The following AMT variants were observed in gnomAD, a reference collection of about 807,000 sequenced individuals.
The protein encoded by AMT is aminomethyltransferase.
Under a neutral mutation model 39.5 loss-of-function variants are expected in AMT, and 24 were observed. The observed-to-expected ratio is 0.61, with a 90% CI of 0.44 to 0.86. AMT has a LOEUF of 0.86. Ranked by LOEUF, AMT falls within the 40% of genes least tolerant of loss-of-function variation. The pLI, the probability that AMT is intolerant of heterozygous loss-of-function variation, is 0.00. For synonymous variants in AMT, 210 were observed against 212.1 expected (o/e 0.99, Z 0.09); for missense variants, 501 against 537.0 (o/e 0.93, Z 0.66).
intron 3 of AMT, 58 bp downstream of exon 3, chr3:49,421,434 A>G (rs2049100268): frequency 4.9e-6 from 7 of 1,415,494 alleles, no homozygotes; most frequent in Non-Finnish European, 7.0e-6. Flanking sequence ...GTAGGGACTC[A>G]GCCCATTTGC....
At position 49,417,719 on chromosome 3, in the gene AMT, C is replaced by G. The variant is rs1575302765; in HGVS notation, c.1034-1G>C. On this transcript the variant is annotated splice_acceptor_variant, in intron 8 of 8. Transcript: ENST00000273588. LOFTEE classifies it high-confidence loss of function. ...GAGGGGCAGCCACTAGTCACAGTAC[C>G]TGTCAAGCAAGCATAAGCCACGCAT... The G allele has an allele frequency of 1.9e-6, 3 of 1,613,986 alleles. No homozygotes were observed. The highest frequency in any genetic ancestry group is 2.5e-6 in the Non-Finnish European group (3 of 1,180,032).
In AMT at chr3:49,418,965, G is replaced by C. The variant is rs2049049174; in HGVS notation, c.877+6C>G. 1 of 1,613,624 alleles carries C rather than the reference G, an allele frequency of 6.2e-7. No homozygotes were observed. The highest frequency in any genetic ancestry group is 8.5e-7 in the Non-Finnish European group (1 of 1,179,970). On this transcript the variant is annotated splice_donor_region_variant and intron_variant, in intron 7 of 8. Transcript: ENST00000273588. ...GACCCTATCCTTTAGTGCTGGCCCA[G>C]CTCACCCAGTGTCCAACTGAGGCTG...
rs1373505001 is a variant in AMT, at chr3:49,421,455, C to CT, written c.339+36dup. On this transcript the variant is annotated intron_variant, in intron 3 of 8. Transcript: ENST00000273588. Reference sequence around the variant, plus strand: ...ACTCAGCCCATTTGCTGGCTCATGACTAAGAAAACTCATAGAGCAGAAATA... The same window carrying CT: ...ACTCAGCCCATTTGCTGGCTCATGACTTAAGAAAACTCATAGAGCAGAAATA... 5 of 1,578,304 alleles carry CT rather than the reference C, an allele frequency of 3.2e-6. No individual in the cohort carries two copies. The Admixed American group carries it at 8.3e-5, about 26-fold the overall frequency.
In AMT at chr3:49,422,435, T is replaced by C. The variant is rs1332097253; in HGVS notation, c.16A>G (p.Ser6Gly). 1 of 1,611,708 alleles carries C rather than the reference T, an allele frequency of 6.2e-7. No individual in the cohort carries two copies. The highest frequency in any genetic ancestry group is 1.1e-5 in the South Asian group (1 of 91,038). The change falls in exon 1 of 9, where the codon AGT becomes GGT. Residue 6 changes from serine to glycine, a missense_variant. Ser to Gly is a moderately conservative substitution (Grantham distance 56). Coordinates refer to ENST00000273588, the MANE Select transcript of AMT (RefSeq NM_000481.4). MQRAV[S>G]VVARLGFRLQ... ...CGAAAGCCCAGACGGGCCACCACAC[T>C]TACAGCCCTCTGCATCGTCGCCTGC...
In AMT at chr3:49,421,559, C is replaced by T; in HGVS notation, c.272G>A (p.Gly91Asp). The T allele has an allele frequency of 6.2e-7, 1 of 1,614,168 alleles. No individual in the cohort carries two copies. The highest frequency in any genetic ancestry group is 8.5e-7 in the Non-Finnish European group (1 of 1,180,012). Residue 91 changes from glycine to aspartate, a missense_variant, in exon 3 of 9, where the codon GGT becomes GAT. Gly to Asp is a moderately conservative substitution (Grantham distance 94, BLOSUM62 -1). Coordinates refer to ENST00000273588, the MANE Select transcript of AMT (RefSeq NM_000481.4). ...VSHMLQTKIL[G>D]SDRVKLMESL... is the part of the protein sequence containing the mutation. Reference sequence around the variant, plus strand: ...CTCCATCAGCTTCACCCGGTCACTACCAAGTATCTTGGTCTGGGGAAGAGA... The same window carrying T: ...CTCCATCAGCTTCACCCGGTCACTATCAAGTATCTTGGTCTGGGGAAGAGA...
Position 49,419,042 on chromosome 3 carries a change from C to T in AMT, c.806G>A (p.Gly269Asp), listed in dbSNP as rs121964981. The T allele has an allele frequency of 6.2e-7, 1 of 1,614,088 alleles. No homozygotes were observed. Among genetic ancestry groups the T allele is most frequent in the Non-Finnish European group, 8.5e-7 (1 of 1,180,014 alleles). The change falls in exon 7 of 9, where the codon GGC becomes GAC. Residue 269 changes from glycine to aspartate, a missense_variant. By Grantham distance (94) the Gly-to-Asp change is moderately conservative (BLOSUM62 -1). Transcript: ENST00000273588. ...AATGTCATTCCCATACAGGCAGAGG[C>T]CTGCCTCCAGGCGCAGGCTGTCCCT... is the stretch of plus-strand genomic sequence containing the variant. ...AARDSLRLEA[G>D]LCLYGNDIDE...
At chr3:49,421,762 G>C (rs1446051353) in intron 2 of AMT, 190 bp from the exon 3 acceptor site, 23 of 686,152 alleles carry the variant, frequency 3.4e-5, no homozygotes, top group Non-Finnish European at 3.4e-5. Context: ...CACTCTGTGT[G>C]GGGGGACTGC....
At chr3:49,419,850 C>T (rs889296990) in intron 4 of AMT, 62 bp from the exon 5 acceptor site, 30 of 1,475,992 alleles carry the variant, frequency 2.0e-5, no homozygotes, top group South Asian at 1.2e-4. Flanking sequence ...ATGGGCTGGA[C>T]GCTGCAGAGC....
chr3:49,420,651 C>A, intron 3 of AMT: 1 of 398,178 alleles, frequency 2.5e-6, no homozygotes, highest in East Asian at 5.8e-5. Context: ...TGCTGCTTCA[C>A]CTACCCAAAC....
Position 49,419,378 on chromosome 3 carries a change from G to C in AMT, c.578C>G (p.Ala193Gly), listed in dbSNP as rs1420976314. Reference protein sequence around the residue: ...QGPTAAQVLQAGVADDLRKLP... With the variant: ...QGPTAAQVLQGGVADDLRKLP... ...TTTCCTCAGGTCATCTGCCACGCCG[G>C]CCTGTAGTACCTGGGCTGCAGTGGG... The change falls in exon 6 of 9, where the codon GCC becomes GGC. Residue 193 changes from alanine (A) to glycine (G), a missense_variant. Physicochemically the swap from Ala to Gly is moderately conservative, Grantham distance 60. Transcript: ENST00000273588. 3 of 1,613,930 alleles carry C rather than the reference G, an allele frequency of 1.9e-6. No individual in the cohort carries two copies. The highest frequency in any genetic ancestry group is 2.5e-6 in the Non-Finnish European group (3 of 1,179,984).
In AMT at chr3:49,420,279, T is replaced by C. The variant is rs768698117; in HGVS notation, c.403A>G (p.Thr135Ala). ...ACCACATACAGGTGGCCCTCAGAAG[T>C]ATTGGTTACAATCAAGTCATCTAAG... ...GILDDLIVTN[T>A]SEGHLYVVSN... The change falls in exon 4 of 9, where the codon ACT (threonine) becomes GCT (alanine). Residue 135 changes from threonine (T) to alanine (A), a missense_variant. Thr to Ala is a moderately conservative substitution (Grantham distance 58). Coordinates refer to ENST00000273588, the MANE Select transcript of AMT (RefSeq NM_000481.4). 111 of 1,614,034 alleles carry C rather than the reference T, an allele frequency of 6.9e-5. No homozygotes were observed. Among genetic ancestry groups the C allele is most frequent in the Non-Finnish European group, 9.3e-5 (110 of 1,180,024 alleles).
In AMT at chr3:49,417,294, T is replaced by C; in HGVS notation, c.*246A>G. On this transcript the variant is annotated 3_prime_UTR_variant, in exon 9 of 9. Coordinates refer to ENST00000273588, the MANE Select transcript of AMT (RefSeq NM_000481.4). ...TTACCCTCCAGCAGGCAAGAGTAGG[T>C]CAGTGGGATCATGGACTGAAACAAG... 6.3e-7 allele frequency: 1 copy of C among 1,598,278 alleles called. No homozygotes were observed. The highest frequency in any genetic ancestry group is 8.5e-7 in the Non-Finnish European group (1 of 1,178,938).
rs768059828 is a variant in AMT, at chr3:49,417,537, G to A, written c.*3C>T. 6.8e-6 allele frequency: 11 copies of A among 1,614,078 alleles called. No homozygotes were observed. The highest frequency in any genetic ancestry group is 1.7e-5 in the Admixed American group (1 of 60,004). On this transcript the variant is annotated 3_prime_UTR_variant, in exon 9 of 9. Coordinates refer to ENST00000273588, the MANE Select transcript of AMT (RefSeq NM_000481.4). ...GAAGGGACAGCCCCACCCTGAGCCA[G>A]CTTCACTTGAGGGTATAGTAGTTTG... is the stretch of plus-strand genomic sequence containing the variant.
chr3:49,418,819 C>A (rs1249018476), intron 7 of AMT, 152 bp downstream of exon 7: 2 of 842,690 alleles, frequency 2.4e-6, no homozygotes. Context: ...TCTGCAGTTT[C>A]TAATGGGCAA....
Position 49,420,266 on chromosome 3 carries a change from T to C in AMT, c.416A>G (p.His139Arg), listed in dbSNP as rs1261907128. 8 of 1,614,044 alleles carry C rather than the reference T, an allele frequency of 5.0e-6. No individual in the cohort carries two copies. In the Admixed American group the frequency reaches 1.3e-4, roughly 27 times the overall value. Residue 139 changes from histidine to arginine, a missense_variant, in exon 4 of 9, where the codon CAC (histidine) becomes CGC (arginine). Transcript: ENST00000273588. ...GCCAGCGTTGGACACCACATACAGG[T>C]GGCCCTCAGAAGTATTGGTTACAAT... ...DLIVTNTSEG[H>R]LYVVSNAGCW...
Position 49,422,398 on chromosome 3 carries a change from A to G in AMT, c.53T>C (p.Phe18Ser). The G allele has an allele frequency of 6.3e-7, 1 of 1,598,506 alleles. No homozygotes were observed. The highest frequency in any genetic ancestry group is 8.5e-7 in the Non-Finnish European group (1 of 1,174,488). Reference sequence around the variant, plus strand: ...AAGTGGACGACACAAGGCCGGGGGGAATGCCTGCAGGCGAAAGCCCAGACG... The same window carrying G: ...AAGTGGACGACACAAGGCCGGGGGGGATGCCTGCAGGCGAAAGCCCAGACG... ...VARLGFRLQA[F>S]PPALCRPLSC... The change falls in exon 1 of 9, where the codon TTC becomes TCC. Residue 18 changes from phenylalanine to serine, a missense_variant. Phe to Ser is a radical substitution (Grantham distance 155, BLOSUM62 -2). Transcript: ENST00000273588.
chr3:49,417,802 T>C lies in AMT; in HGVS notation c.1033+16A>G. Reference sequence around the variant, plus strand: ...GGGAAGAGACAAGGGTTTCCCAGCTTCCCTGGTCCACCTACCAATCTTGGT... The same window carrying C: ...GGGAAGAGACAAGGGTTTCCCAGCTCCCCTGGTCCACCTACCAATCTTGGT... On this transcript the variant is annotated intron_variant, in intron 8 of 8. Transcript: ENST00000273588. 6.2e-7 allele frequency: 1 copy of C among 1,614,014 alleles called. No individual in the cohort carries two copies. The highest frequency in any genetic ancestry group is 8.5e-7 in the Non-Finnish European group (1 of 1,180,006).
At chr3:49,421,854 G>T in intron 2 of AMT, 1 of 703,588 alleles carries the variant, frequency 1.4e-6, no homozygotes, top group Non-Finnish European at 2.5e-6. Context: ...GAGAGTGGGT[G>T]TCAGCCCTGG....
At position 49,419,333 on chromosome 3, in the gene AMT, G is replaced by T; in HGVS notation, c.623C>A (p.Ala208Asp). 1 of 1,614,200 alleles carries T rather than the reference G, an allele frequency of 6.2e-7. No homozygotes were observed. The highest frequency in any genetic ancestry group is 8.5e-7 in the Non-Finnish European group (1 of 1,180,036). ...AGACACGCCAAACACCTCCATCACA[G>T]CACTGGTCATGAAGGGCAGTTTCCT... ...DLRKLPFMTS[A>D]VMEVFGVSGC... The change falls in exon 6 of 9, where the codon GCT (alanine) becomes GAT (aspartate). Residue 208 changes from alanine (A) to aspartate (D), a missense_variant. Ala to Asp is a moderately radical substitution (Grantham distance 126, BLOSUM62 -2). Coordinates refer to ENST00000273588, the MANE Select transcript of AMT (RefSeq NM_000481.4).
Sources: allele counts gnomAD v4.1 joint callset, GRCh38; gene constraint gnomAD v4.1.1; transcripts MANE v1.5; gene names NCBI Gene and HGNC (gene_info 2026-07-23, HGNC 2026-07-21).